The following LRGUK variants were observed in gnomAD, a reference collection of about 807,000 sequenced individuals.
LRGUK encodes leucine-rich repeat and guanylate kinase domain-containing protein.
In LRGUK, 65 loss-of-function variants were observed where a neutral mutation model predicts 76.0. That is an observed-to-expected ratio of 0.85 (90% CI 0.70 to 1.05). LRGUK has a LOEUF of 1.05. Ranked by LOEUF, LRGUK falls within the 50% of genes least tolerant of loss-of-function variation. The pLI is 0.00. For synonymous variants in LRGUK, 268 were observed against 265.6 expected (o/e 1.01, Z -0.09); for missense variants, 758 against 732.8 (o/e 1.03, Z -0.40).
intron 15 of LRGUK, among the ~76,000 whole-genome samples, chr7:134,207,919 C>T (rs1166969245): frequency 1.3e-5 from 2 of 152,172 alleles, no homozygotes; most frequent in Non-Finnish European, 2.9e-5. Flanking sequence ...TGGATGATGG[C>T]GTCTGTGAGA....
chr7:134,234,088 C>A (rs529444547), intron 16 of LRGUK, among the ~76,000 whole-genome samples: 1 of 152,076 alleles, frequency 6.6e-6, no homozygotes, highest in Non-Finnish European at 1.5e-5. Flanking sequence ...TATTGGACAC[C>A]CCTGCTCTAA....
chr7:134,132,069 A>G (rs1378745565), intron 1 of LRGUK, among the ~76,000 whole-genome samples: 1 of 152,214 alleles, frequency 6.6e-6, no homozygotes, highest in Non-Finnish European at 1.5e-5. Context: ...ACGTGATGAC[A>G]GGGTGCAGTG....
At chr7:134,132,524 G>GGC (rs1797357515) in intron 1 of LRGUK, among the ~76,000 whole-genome samples, 1 of 152,144 alleles carries the variant, frequency 6.6e-6, no homozygotes, top group Non-Finnish European at 1.5e-5. Context: ...AAGTTGAAGA[G>GGC]TAGTTGGGAG....
intron 9 of LRGUK, among the ~76,000 whole-genome samples, chr7:134,178,048 A>C (rs1799555398): frequency 6.6e-6 from 1 of 152,194 alleles, no homozygotes; most frequent in Non-Finnish European, 1.5e-5. Context: ...GATTGTGGGA[A>C]TCATTCTTGG....
chr7:134,137,862 A>G (rs919620827), intron 2 of LRGUK, among the ~76,000 whole-genome samples: 2 of 152,076 alleles, frequency 1.3e-5, no homozygotes, highest in African/African-American at 2.4e-5. Context: ...TGAGAAAAAA[A>G]AAACGCACAT....
At chr7:134,127,606 A>G in exon 1 of LRGUK, 3 of 1,614,176 alleles carry the variant, frequency 1.9e-6, no homozygotes, top group Non-Finnish European at 2.5e-6. Context: ...GATGAGGACC[A>G]GGGCGAGGGC....
At chr7:134,233,671 TG>T (rs1189384661) in intron 16 of LRGUK, among the ~76,000 whole-genome samples, 1 of 152,208 alleles carries the variant, frequency 6.6e-6, no homozygotes, top group Non-Finnish European at 1.5e-5. Context: ...AGAAGAAAAA[TG>T]CCTTCTTTTA....
At chr7:134,258,466 G>A (rs906639987) in intron 19 of LRGUK, 61 bp downstream of exon 19, 4 of 1,491,728 alleles carry the variant, frequency 2.7e-6, no homozygotes, top group Admixed American at 1.9e-5. Flanking sequence ...GGGAGGCCGA[G>A]GCGAATGGAT....
chr7:134,193,764 G>A (rs1357759886), intron 12 of LRGUK, among the ~76,000 whole-genome samples: 1 of 151,952 alleles, frequency 6.6e-6, no homozygotes, highest in African/African-American at 2.4e-5. Flanking sequence ...CAGACACTCA[G>A]CCTTCTGTTC....
At chr7:134,257,322 G>T (rs1396702099) in intron 18 of LRGUK, among the ~76,000 whole-genome samples, 1 of 152,206 alleles carries the variant, frequency 6.6e-6, no homozygotes, top group Non-Finnish European at 1.5e-5. Flanking sequence ...CACAGTGGTA[G>T]AAGTGCCTGT....
At chr7:134,164,126 G>A (rs1467481613) in intron 7 of LRGUK, among the ~76,000 whole-genome samples, 2 of 152,140 alleles carry the variant, frequency 1.3e-5, no homozygotes, top group African/African-American at 4.8e-5. Flanking sequence ...TGATTACTTT[G>A]TGATGTAACA....
the LRGUK span, among the ~76,000 whole-genome samples, chr7:134,274,778 A>G: frequency 5.3e-5 from 8 of 152,134 alleles, no homozygotes; most frequent in Non-Finnish European, 1.2e-4. Flanking sequence ...TCCTTTGAAA[A>G]TATCAGTGCC....
At chr7:134,172,472 A>T (rs896678221) in intron 7 of LRGUK, among the ~76,000 whole-genome samples, 2 of 152,222 alleles carry the variant, frequency 1.3e-5, no homozygotes, top group African/African-American at 4.8e-5. Context: ...AAAATTAGAT[A>T]CAAGACGATC....
chr7:134,259,368 T>C (rs1366155319), intron 19 of LRGUK, among the ~76,000 whole-genome samples: 2 of 152,094 alleles, frequency 1.3e-5, no homozygotes, highest in African/African-American at 4.8e-5. Flanking sequence ...GGTGGGGCGC[T>C]GTGAGTAGCT....
intron 19 of LRGUK, among the ~76,000 whole-genome samples, chr7:134,261,500 T>C (rs923974450): frequency 6.6e-6 from 1 of 152,180 alleles, no homozygotes; most frequent in Non-Finnish European, 1.5e-5. Context: ...GACCTCTGCC[T>C]ATGTCATAGT....
intron 16 of LRGUK, among the ~76,000 whole-genome samples, chr7:134,237,050 C>CTTTTT (rs10555261): frequency 1.9e-3 from 143 of 74,812 alleles, no homozygotes; most frequent in Non-Finnish European, 2.4e-3. Flanking sequence ...TTTTCTCTTT[C>CTTTTT]TTTTTTTTTT....
the LRGUK span, among the ~76,000 whole-genome samples, chr7:134,273,514 T>C: frequency 6.6e-6 from 1 of 151,850 alleles, no homozygotes; most frequent in Non-Finnish European, 1.5e-5. Context: ...CATTGCACTT[T>C]TTTTTTTTTA....
chr7:134,167,273 G>T (rs989218452), intron 7 of LRGUK, among the ~76,000 whole-genome samples: 3 of 152,304 alleles, frequency 2.0e-5, no homozygotes, highest in Non-Finnish European at 4.4e-5. Flanking sequence ...GTGCTGATGG[G>T]TGCACACTTT....
In LRGUK at chr7:134,163,258, A is replaced by G. The variant is rs1019453330; in HGVS notation, c.796-139A>G. On this transcript the variant is annotated intron_variant, in intron 6 of 15. Transcript: ENST00000645682. Reference sequence around the variant, plus strand: ...GTGTTTAGAGAGGTGAATGATGGAAATGGGATGGAGGGAAGGACAAGAATG... The same window carrying G: ...GTGTTTAGAGAGGTGAATGATGGAAGTGGGATGGAGGGAAGGACAAGAATG... The G allele has an allele frequency of 1.0e-4, 69 of 658,532 alleles. 1 individual carries two copies. In the Middle Eastern group the frequency reaches 1.8e-3, roughly 17 times the overall value. 40.8% of individuals were successfully genotyped at this position (658,532 alleles called of 1,614,324 possible).
Sources: allele counts gnomAD v4.1 joint callset (sites outside exome capture counted in the v4.1 genomes callset), GRCh38; gene constraint gnomAD v4.1.1; transcripts MANE v1.5; gene names NCBI Gene and HGNC (gene_info 2026-07-23, HGNC 2026-07-21).